EMID1: variants seen among roughly 807,000 people sequenced by gnomAD.
EMID1 encodes the protein EMI domain-containing protein 1.
A neutral mutation model predicts 60.6 loss-of-function variants in EMID1; 40 were observed. The observed-to-expected ratio is 0.66, with a 90% CI of 0.51 to 0.86. The LOEUF (loss-of-function observed/expected upper bound fraction) is 0.86. Among genes scored for constraint, EMID1 ranks in the 40% least tolerant of loss-of-function variants. The pLI is 0.00. For synonymous variants in EMID1, 242 were observed against 231.0 expected (o/e 1.05, Z -0.43); for missense variants, 585 against 597.1 (o/e 0.98, Z 0.21).
chr22:29,218,973 A>T (rs1186571673), intron 3 of EMID1, among the ~76,000 whole-genome samples: 2 of 152,166 alleles, frequency 1.3e-5, no homozygotes, highest in Non-Finnish European at 2.9e-5. Flanking sequence ...ATCCTCCTGC[A>T]ATAATCAGGA....
intron 1 of EMID1, among the ~76,000 whole-genome samples, chr22:29,209,688 G>A (rs2039809776): frequency 6.6e-6 from 1 of 152,188 alleles, no homozygotes; most frequent in Non-Finnish European, 1.5e-5. Flanking sequence ...AATGGGTGGT[G>A]CCCAACCCCT....
chr22:29,210,174 C>A (rs879289477), intron 1 of EMID1, among the ~76,000 whole-genome samples: 2 of 151,842 alleles, frequency 1.3e-5, no homozygotes, highest in African/African-American at 2.4e-5. Context: ...TAGCCGGCCA[C>A]CAGCTCCATG....
chr22:29,248,529 C>T (rs1438952613), intron 13 of EMID1, among the ~76,000 whole-genome samples: 1 of 152,112 alleles, frequency 6.6e-6, no homozygotes, highest in Non-Finnish European at 1.5e-5. Context: ...AGAAGGAGTA[C>T]ACTCTAAAAT....
chr22:29,241,477 C>G (rs1016509046), intron 12 of EMID1, among the ~76,000 whole-genome samples: 1 of 151,518 alleles, frequency 6.6e-6, no homozygotes, highest in South Asian at 2.1e-4. Flanking sequence ...CAACCTCTAC[C>G]TCCCGGGTTC....
chr22:29,208,798 T>C (rs132373), intron 1 of EMID1, among the ~76,000 whole-genome samples: 133,553 of 152,288 alleles, frequency 0.88, 59,171 homozygotes, highest in Non-Finnish European at 0.93. Flanking sequence ...TGGACCAAGC[T>C]GCTGGGTGTG....
chr22:29,230,435 A>G (rs1179170421), intron 5 of EMID1, among the ~76,000 whole-genome samples: 1 of 152,248 alleles, frequency 6.6e-6, no homozygotes, highest in East Asian at 1.9e-4. Context: ...GGATAACCAT[A>G]GAGAAAAAGC....
intron 13 of EMID1, 74 bp from the exon 14 acceptor site, chr22:29,254,129 T>C: frequency 1.2e-6 from 2 of 1,605,300 alleles, no homozygotes; most frequent in Non-Finnish European, 8.5e-7. Flanking sequence ...GGGTGGGGCA[T>C]GGGCCACCGA....
Position 29,233,362 on chromosome 22 carries a change from C to A in EMID1, c.824-17C>A. 2 of 1,613,752 alleles carry A rather than the reference C, an allele frequency of 1.2e-6. No individual in the cohort carries two copies. Among genetic ancestry groups the A allele is most frequent in the East Asian group, 2.2e-5 (1 of 44,884 alleles). On this transcript the variant is annotated splice_polypyrimidine_tract_variant and intron_variant, in intron 8 of 14. Transcript: ENST00000334018. ...ACTCTACCCAGCTCTACTCACTCAT[C>A]ATCTTTGCTCACCCAGGAGACCCAT...
chr22:29,254,286 T>C lies in EMID1; in HGVS notation c.1203T>C (p.Tyr401=). The C allele has an allele frequency of 6.2e-7, 1 of 1,613,770 alleles. No homozygotes were observed. ...VLILETMIGL[Y]EPELGSGAGP... ...TCTTGGAAACAATGATTGGGCTCTA[T>C]GGTGAGTAGAGACAGACAGACGGAC... Residue 401 remains tyrosine (Y), a splice_region_variant and synonymous_variant, in exon 14 of 15, where the codon TAT becomes TAC. Transcript: ENST00000334018.
chr22:29,225,911 G>A (rs558429858), intron 4 of EMID1, among the ~76,000 whole-genome samples: 7 of 152,298 alleles, frequency 4.6e-5, no homozygotes, highest in East Asian at 1.9e-4. Context: ...CCGGGGGAGC[G>A]GTGCTGGATG....
intron 1 of EMID1, among the ~76,000 whole-genome samples, chr22:29,208,321 C>T (rs916342): frequency 0.045 from 6,877 of 152,214 alleles, 188 homozygotes; most frequent in East Asian, 0.098. Context: ...TCCAGGGGGC[C>T]GCCCCTTGCC....
chr22:29,219,868 A>G (rs2040228181), intron 3 of EMID1, among the ~76,000 whole-genome samples: 1 of 152,032 alleles, frequency 6.6e-6, no homozygotes, highest in Non-Finnish European at 1.5e-5. Context: ...TCTACCATCC[A>G]GGGCTGGGCG....
In EMID1 at chr22:29,206,072, C is replaced by T; in HGVS notation, c.34C>T (p.Leu12Phe). The change falls in exon 1 of 15, where the codon CTC becomes TTC. Residue 12 changes from leucine to phenylalanine, a missense_variant. Transcript: ENST00000334018. ...GGPRAWALLCLGLLLPGGGAA... is the reference protein window; with the variant it reads ...GGPRAWALLCFGLLLPGGGAA... ...CCCGCGGGCTTGGGCGCTGCTCTGC[C>T]TCGGGCTCCTGCTCCCGGGAGGCGG... is the stretch of plus-strand genomic sequence containing the variant. 8.1e-7 allele frequency: 1 copy of T among 1,230,370 alleles called. No individual in the cohort carries two copies. The highest frequency in any genetic ancestry group is 1.0e-6 in the Non-Finnish European group (1 of 987,152). The allele number at this position is 1,230,370 out of a possible 1,614,324, so 76.2% of individuals were successfully genotyped here. A position where few individuals can be genotyped will look rare whatever the true frequency, so the allele number is the denominator to read the frequency against.
rs757256867 is a variant in EMID1 at position 29,233,463 on chromosome 22, C to T, written c.908C>T (p.Pro303Leu). The T allele has an allele frequency of 1.9e-6, 3 of 1,614,112 alleles. No individual in the cohort carries two copies. The Admixed American group carries it at 5.0e-5, about 27-fold the overall frequency. ...ACTGGGCCTCCAGGCCCTCCAGGGC[C>T]CATGGGTAAGTTGAGTCCAGGCCAG... ...GPTGPPGPPGPMGPPGPPGPT... is the reference protein window; with the variant it reads ...GPTGPPGPPGLMGPPGPPGPT... Residue 303 changes from proline to leucine, a missense_variant, in exon 9 of 15, where the codon CCC becomes CTC. By Grantham distance (98) the Pro-to-Leu change is moderately conservative (BLOSUM62 -3). Coordinates refer to ENST00000334018, the MANE Select transcript of EMID1 (RefSeq NM_133455.4).
intron 6 of EMID1, 141 bp downstream of exon 6, chr22:29,231,281 GACCC>G: frequency 4.5e-6 from 6 of 1,323,924 alleles, no homozygotes; most frequent in Non-Finnish European, 5.1e-6. Context: ...CCGTTTCTTA[GACCC>G]GCCTAAGAGG....
chr22:29,219,553 G>A (rs748308651), intron 3 of EMID1, among the ~76,000 whole-genome samples: 3 of 152,154 alleles, frequency 2.0e-5, no homozygotes, highest in Non-Finnish European at 2.9e-5. Flanking sequence ...GCCAAGGCAG[G>A]AGGATTGCTT....
chr22:29,246,371 G>A (rs2041331856), intron 13 of EMID1, among the ~76,000 whole-genome samples: 1 of 152,168 alleles, frequency 6.6e-6, no homozygotes, highest in African/African-American at 2.4e-5. Context: ...TTTTTTATTT[G>A]CAAAGAATCC....
chr22:29,232,152 C>G, intron 7 of EMID1, 104 bp from the exon 8 acceptor site: 1 of 1,407,974 alleles, frequency 7.1e-7, no homozygotes, highest in Non-Finnish European at 1.0e-6. Flanking sequence ...CTCCGGGGCC[C>G]TCTCTCATGC....
chr22:29,231,039 TA>T lies in EMID1; in HGVS notation c.486del (p.Ile162MetfsTer60). ...CTTCAGATGACCATGCTGACTGTCA[TA>T]GAGCAGCCAGTACCTCCAACACCAG... ...LEAKMTMLTV[I>X]EQPVPPTPAT... is the part of the protein sequence containing the mutation. On this transcript the variant is annotated frameshift_variant, in exon 6 of 15. Coordinates refer to ENST00000334018, the MANE Select transcript of EMID1 (RefSeq NM_133455.4). LOFTEE classifies it high-confidence loss of function. The T allele has an allele frequency of 6.2e-7, 1 of 1,613,870 alleles. No individual in the cohort carries two copies. Among genetic ancestry groups the T allele is most frequent in the Admixed American group, 1.7e-5 (1 of 59,994 alleles).
Sources: gnomAD v4.1 joint callset for allele counts (sites outside exome capture counted in the v4.1 genomes callset) on GRCh38, gnomAD v4.1.1 for gene constraint, MANE v1.5 for transcripts, NCBI Gene and HGNC (gene_info 2026-07-23, HGNC 2026-07-21) for gene names.